Variants in ATRNL1 observed in about 807,000 individuals in gnomAD.
ATRNL1 encodes the protein attractin like 1.
ATRNL1 carries 95 observed loss-of-function variants against 182.7 expected under a neutral mutation model. That is an observed-to-expected ratio of 0.52 (90% CI 0.44 to 0.62). ATRNL1 has a LOEUF of 0.62. ATRNL1 is among the 20% of genes least tolerant of loss of function. The pLI is 0.00. For synonymous variants in ATRNL1, 576 were observed against 568.3 expected, an observed-to-expected ratio of 1.01 and a Z score of -0.19; for missense variants, 1,471 against 1,679.5, an observed-to-expected ratio of 0.88 and a Z score of 2.17.
chr10:115,889,613 C>A (rs7904803), intron 28 of ATRNL1, among the ~76,000 whole-genome samples: 29,197 of 152,138 alleles, frequency 0.19, 8,734 homozygotes, highest in African/African-American at 0.64. Flanking sequence ...GCTATACAGT[C>A]ATTCTTTCAG....
chr10:115,114,995 G>A lies in ATRNL1; in HGVS notation c.294-5190G>A, dbSNP rs543489290. 1.6e-4 allele frequency among the ~76,000 whole-genome samples: 25 copies of A among 151,720 alleles called. No individual in the cohort carries two copies. The South Asian group carries it at 4.8e-3, about 29-fold the overall frequency. On this transcript the variant is annotated intron_variant, in intron 1 of 28. Coordinates refer to ENST00000355044, the MANE Select transcript of ATRNL1 (RefSeq NM_207303.4). ...GGAAACAACCTAAGTGCCCACCAAC[G>A]GATCAATGGATTAAAAAAAGAGGTA... is the stretch of plus-strand genomic sequence containing the variant.
intron 26 of ATRNL1, among the ~76,000 whole-genome samples, chr10:115,674,523 C>T (rs1451430364): frequency 1.3e-5 from 2 of 151,990 alleles, no homozygotes; most frequent in Non-Finnish European, 2.9e-5. Flanking sequence ...TACTGAGTTC[C>T]TACTGCATGT....
At chr10:115,467,699 C>T (rs1395778036) in intron 23 of ATRNL1, among the ~76,000 whole-genome samples, 1 of 150,246 alleles carries the variant, frequency 6.7e-6, no homozygotes, top group Non-Finnish European at 1.5e-5. Context: ...AAATATAACC[C>T]CTCTTGTCAG....
chr10:115,674,484 A>G (rs879952186), intron 26 of ATRNL1, among the ~76,000 whole-genome samples: 1 of 152,022 alleles, frequency 6.6e-6, no homozygotes, highest in South Asian at 2.1e-4. Flanking sequence ...AAAAAATTCC[A>G]TTTTACTTAA....
rs576350324 is a variant in ATRNL1, at chr10:115,890,424, G to A, written c.4018+42433G>A. Among the ~76,000 whole-genome samples, 138 of 152,194 alleles carry A rather than the reference G, an allele frequency of 9.1e-4. 1 individual carries two copies. The highest frequency in any genetic ancestry group is 3.3e-3 in the African/African-American group (135 of 41,528). On this transcript the variant is annotated intron_variant, in intron 28 of 28. Transcript: ENST00000355044. ...CTCTCATTCATCACCTATTTTCACC[G>A]AATCTTTGTTAAGATTTGCAGTAAT...
At chr10:115,703,138 CA>C (rs552067074) in intron 26 of ATRNL1, among the ~76,000 whole-genome samples, 4 of 151,046 alleles carry the variant, frequency 2.6e-5, no homozygotes, top group African/African-American at 4.8e-5. Flanking sequence ...TTGACAGAGT[CA>C]AAAAAAATAA....
intron 27 of ATRNL1, among the ~76,000 whole-genome samples, chr10:115,752,083 G>A (rs1948464404): frequency 6.6e-6 from 1 of 151,980 alleles, no homozygotes; most frequent in Admixed American, 6.6e-5. Context: ...GAATTAATAT[G>A]TGAATGAATA....
chr10:115,864,959 G>A (rs1193387407), intron 28 of ATRNL1, among the ~76,000 whole-genome samples: 2 of 151,192 alleles, frequency 1.3e-5, no homozygotes, highest in African/African-American at 2.4e-5. Context: ...TCCAGCCTGG[G>A]CGACAGAGCG....
At chr10:115,430,316 C>A (rs1846096725) in intron 21 of ATRNL1, among the ~76,000 whole-genome samples, 1 of 151,656 alleles carries the variant, frequency 6.6e-6, no homozygotes. Flanking sequence ...TTCTGTGGAT[C>A]TTGTTTTTTA....
intron 28 of ATRNL1, among the ~76,000 whole-genome samples, chr10:115,874,083 C>G (rs1951645577): frequency 2.0e-5 from 3 of 152,232 alleles, no homozygotes; most frequent in African/African-American, 7.2e-5. Context: ...TCCTCCACAG[C>G]TCTTCATGCT....
At chr10:115,536,508 G>A (rs539217567) in intron 25 of ATRNL1, among the ~76,000 whole-genome samples, 29 of 152,316 alleles carry the variant, frequency 1.9e-4, no homozygotes, top group Admixed American at 7.8e-4. Context: ...TCCAGGTGCC[G>A]TCTGTCACCC....
intron 27 of ATRNL1, among the ~76,000 whole-genome samples, chr10:115,838,050 C>T (rs1429714012): frequency 6.6e-6 from 1 of 152,134 alleles, no homozygotes; most frequent in African/African-American, 2.4e-5. Context: ...TCAATGTAAA[C>T]TTTCAAGATT....
intron 20 of ATRNL1, among the ~76,000 whole-genome samples, chr10:115,395,908 A>G (rs916409965): frequency 2.6e-5 from 4 of 151,704 alleles, no homozygotes; most frequent in Non-Finnish European, 5.9e-5. Context: ...TTAGGTATAT[A>G]TGTACTGTAT....
intron 7 of ATRNL1, among the ~76,000 whole-genome samples, chr10:115,169,137 G>A (rs1467684478): frequency 6.8e-6 from 1 of 147,610 alleles, no homozygotes; most frequent in Non-Finnish European, 1.5e-5. Flanking sequence ...GGCCATAGAT[G>A]TGTGGGTTTA....
At chr10:115,337,382 A>G (rs1437004626) in intron 19 of ATRNL1, among the ~76,000 whole-genome samples, 2 of 152,196 alleles carry the variant, frequency 1.3e-5, no homozygotes, top group African/African-American at 2.4e-5. Flanking sequence ...AAAATGTACA[A>G]TTAAGTTGCT....
chr10:115,221,680 A>G (rs1849472485), intron 9 of ATRNL1, among the ~76,000 whole-genome samples: 1 of 152,150 alleles, frequency 6.6e-6, no homozygotes, highest in African/African-American at 2.4e-5. Context: ...TTTGTCAGCC[A>G]TTACAGAGGA....
intron 27 of ATRNL1, among the ~76,000 whole-genome samples, chr10:115,784,618 T>A (rs868990842): frequency 1.3e-5 from 2 of 152,198 alleles, no homozygotes; most frequent in Non-Finnish European, 2.9e-5. Context: ...TTGGTTTCTT[T>A]TGGAGGCTCT....
At chr10:115,559,454 A>ACACG (rs113798365) in intron 26 of ATRNL1, among the ~76,000 whole-genome samples, 13 of 135,306 alleles carry the variant, frequency 9.6e-5, no homozygotes, top group Non-Finnish European at 9.4e-5. Flanking sequence ...GCGCGCGCGC[A>ACACG]CGCACGCACA....
At chr10:115,743,289 A>G (rs1948193532) in intron 27 of ATRNL1, among the ~76,000 whole-genome samples, 1 of 151,016 alleles carries the variant, frequency 6.6e-6, no homozygotes, top group African/African-American at 2.4e-5. Flanking sequence ...TATATACCCT[A>G]CATGGATCTG....
Sources: allele counts gnomAD v4.1 joint callset (sites outside exome capture counted in the v4.1 genomes callset), GRCh38; gene constraint gnomAD v4.1.1; transcripts MANE v1.5; gene names NCBI Gene and HGNC (gene_info 2026-07-23, HGNC 2026-07-21).